PHF21A: variants seen among roughly 807,000 people sequenced by gnomAD.
PHF21A encodes the protein BHC80a.
In PHF21A, 11 loss-of-function variants were observed where a neutral mutation model predicts 82.5. The observed-to-expected ratio is 0.13, with a 90% CI of 0.08 to 0.22. The LOEUF is 0.22. Among genes scored for constraint, PHF21A ranks in the 10% least tolerant of loss-of-function variants. The pLI, the probability that PHF21A is intolerant of heterozygous loss-of-function variation, is 1.00. For missense variants in PHF21A, 579 were observed against 837.8 expected (o/e 0.69, Z 3.81); for synonymous variants, 297 against 302.8 (o/e 0.98, Z 0.20).
chr11:45,957,365 G>A (rs986036812), intron 10 of PHF21A, among the ~76,000 whole-genome samples: 2 of 152,014 alleles, frequency 1.3e-5, no homozygotes, highest in East Asian at 3.9e-4. Context: ...ACATTCTCCA[G>A]GACAGATTAT....
chr11:45,982,930 G>C (rs961377765), intron 6 of PHF21A, among the ~76,000 whole-genome samples: 18 of 152,136 alleles, frequency 1.2e-4, no homozygotes, highest in Non-Finnish European at 2.2e-4. Context: ...AAAAGGAAAG[G>C]GTGTTTTTTT....
rs562938603 is a variant in PHF21A at position 46,030,774 on chromosome 11, A to G, written c.153+45980T>C. ...AGTTTTTTTTTAATTTGTAACTTTA[A>G]GAAGGTGACGATCATTTCTTCTAAA... On this transcript the variant is annotated intron_variant, in intron 6 of 18. Coordinates refer to ENST00000676320, the MANE Select transcript of PHF21A (RefSeq NM_001352027.3). 7.3e-4 allele frequency among the ~76,000 whole-genome samples: 110 copies of G among 151,486 alleles called. 1 individual carries two copies. The highest frequency in any genetic ancestry group is 1.4e-3 in the Non-Finnish European group (92 of 67,858).
intron 6 of PHF21A, among the ~76,000 whole-genome samples, chr11:46,000,410 G>GA (rs1244920584): frequency 6.6e-6 from 1 of 152,252 alleles, no homozygotes; most frequent in East Asian, 1.9e-4. Flanking sequence ...ATTCACTGCT[G>GA]AAAATGACCA....
At chr11:46,069,571 TCCAAGGTAATGAAGC>T (rs762201819) in intron 6 of PHF21A, among the ~76,000 whole-genome samples, 25 of 152,204 alleles carry the variant, frequency 1.6e-4, no homozygotes, top group Non-Finnish European at 2.9e-4. Context: ...CTTATTTGAC[TCCAAGGTAATGAAGC>T]CTAAAGGCAA....
At position 45,953,602 on chromosome 11, in the gene PHF21A, T is replaced by C. The variant is rs536751309; in HGVS notation, c.1020A>G (p.Thr340=). Residue 340 remains threonine, a synonymous_variant, in exon 11 of 19, where the codon ACA becomes ACG. Coordinates refer to ENST00000676320, the MANE Select transcript of PHF21A (RefSeq NM_001352027.3). ...TGCGGCTCTCTGTTTGTTTCTCATC[T>C]GTTTCTGTGTGAGATTTAACTGTCT... is the stretch of plus-strand genomic sequence containing the variant. ...EKQTVKSHTE[T]DEKQTESRTI... The C allele has an allele frequency of 6.2e-7, 1 of 1,613,356 alleles. No individual in the cohort carries two copies. The highest frequency in any genetic ancestry group is 1.3e-5 in the African/African-American group (1 of 75,042).
intron 6 of PHF21A, among the ~76,000 whole-genome samples, chr11:46,018,295 T>C (rs1383862417): frequency 1.3e-5 from 2 of 152,004 alleles, no homozygotes; most frequent in African/African-American, 2.4e-5. Context: ...AAAGCTTTCT[T>C]ATAAAAGCAT....
intron 6 of PHF21A, among the ~76,000 whole-genome samples, chr11:46,061,865 A>G (rs2096538533): frequency 6.6e-6 from 1 of 152,176 alleles, no homozygotes; most frequent in Admixed American, 6.5e-5. Context: ...CTTCCTCAAA[A>G]AAGATGTATG....
chr11:46,090,807 A>AG (rs1215083750), intron 2 of PHF21A, among the ~76,000 whole-genome samples: 1 of 152,094 alleles, frequency 6.6e-6, no homozygotes, highest in African/African-American at 2.4e-5. Context: ...AAAATACTGG[A>AG]GGAGAAGGCC....
At chr11:45,989,885 G>A (rs1472076338) in intron 6 of PHF21A, among the ~76,000 whole-genome samples, 1 of 151,766 alleles carries the variant, frequency 6.6e-6, no homozygotes, top group Non-Finnish European at 1.5e-5. Flanking sequence ...GGCAGTATCA[G>A]CTACTCAGGA....
chr11:45,972,679 C>T (rs572920106), intron 7 of PHF21A, among the ~76,000 whole-genome samples: 40 of 152,068 alleles, frequency 2.6e-4, no homozygotes, highest in African/African-American at 9.2e-4. Flanking sequence ...TTTGGGAGGC[C>T]GATGCGGGTG....
chr11:46,082,999 TATG>T (rs1445548171), intron 4 of PHF21A, among the ~76,000 whole-genome samples: 1 of 152,210 alleles, frequency 6.6e-6, no homozygotes, highest in Non-Finnish European at 1.5e-5. Flanking sequence ...AAATTCATTC[TATG>T]ATGATGTCAG....
At chr11:45,990,771 G>C (rs1367610251) in intron 6 of PHF21A, among the ~76,000 whole-genome samples, 1 of 150,568 alleles carries the variant, frequency 6.6e-6, no homozygotes, top group Admixed American at 6.6e-5. Context: ...GAACAAAACT[G>C]AACAGAAAGT....
At position 45,979,906 on chromosome 11, in the gene PHF21A, A is replaced by G. The variant is rs1353967770; in HGVS notation, c.214T>C (p.Phe72Leu). The G allele has an allele frequency of 6.2e-7, 1 of 1,613,966 alleles. No homozygotes were observed. Among genetic ancestry groups the G allele is most frequent in the Non-Finnish European group, 8.5e-7 (1 of 1,180,022 alleles). ...LIVKQEQPDK[F>L]QIQPLPQSEN... ...GATTGTGGCAATGGCTGTATTTGGA[A>G]CTTGTCCGGTTGTTCTTGCTTTACT... Residue 72 changes from phenylalanine (F) to leucine (L), a missense_variant, in exon 7 of 19, where the codon TTC becomes CTC. This residue lies in a region of PHF21A where 410 missense variants were observed against 642.1 expected (regional missense o/e 0.64). Transcript: ENST00000676320.
chr11:45,958,203 T>C (rs577083953), intron 10 of PHF21A, among the ~76,000 whole-genome samples: 1 of 150,826 alleles, frequency 6.6e-6, no homozygotes, highest in African/African-American at 2.4e-5. Context: ...TTAGCACCAA[T>C]CTGTCTCAAA....
chr11:46,100,928 C>T (rs576656403), intron 1 of PHF21A, among the ~76,000 whole-genome samples: 1 of 152,248 alleles, frequency 6.6e-6, no homozygotes, highest in South Asian at 2.1e-4. Flanking sequence ...CCTTGACAAA[C>T]CATTTTATAA....
chr11:45,933,899 T>TTAGAA lies in PHF21A; in HGVS notation c.*68_*69insTTCTA. On this transcript the variant is annotated 3_prime_UTR_variant, in exon 19 of 19. Coordinates refer to ENST00000676320, the MANE Select transcript of PHF21A (RefSeq NM_001352027.3). Reference sequence around the variant, plus strand: ...CACTTTCCAGAAATCCGGCTTTGCTTTTCTAGAGTCTTCAGTGTTCTGTTC... The same window carrying TTAGAA: ...CACTTTCCAGAAATCCGGCTTTGCTTTAGAATTCTAGAGTCTTCAGTGTTCTGTTC... The TTAGAA allele has an allele frequency of 7.1e-7, 1 of 1,413,760 alleles. No homozygotes were observed. Among genetic ancestry groups the TTAGAA allele is most frequent in the East Asian group, 2.5e-5 (1 of 40,590 alleles). 87.6% of individuals were successfully genotyped at this position (1,413,760 alleles called of 1,614,324 possible).
At chr11:45,965,214 A>T (rs2093360186) in intron 10 of PHF21A, 101 bp downstream of exon 10, 2 of 915,894 alleles carry the variant, frequency 2.2e-6, no homozygotes, top group African/African-American at 3.3e-5. Context: ...AATGGTGGTG[A>T]GATGAAGAGC....
intron 6 of PHF21A, among the ~76,000 whole-genome samples, chr11:46,037,765 T>C (rs1455943423): frequency 6.6e-6 from 1 of 152,078 alleles, no homozygotes; most frequent in Non-Finnish European, 1.5e-5. Context: ...CTTGAGAACT[T>C]GAACAATACT....
At chr11:46,117,704 A>G (rs1269873254) in intron 1 of PHF21A, among the ~76,000 whole-genome samples, 5 of 152,240 alleles carry the variant, frequency 3.3e-5, no homozygotes, top group African/African-American at 7.2e-5. Flanking sequence ...ACTTTTGTTT[A>G]TAACAATTAC....
Sources: allele counts gnomAD v4.1 joint callset (sites outside exome capture counted in the v4.1 genomes callset), GRCh38; gene constraint gnomAD v4.1.1; regional missense constraint gnomAD v4.1.1; transcripts MANE v1.5; gene names NCBI Gene and HGNC (gene_info 2026-07-23, HGNC 2026-07-21).